Variants in ANKRD6 observed in about 807,000 individuals in gnomAD.
The protein encoded by ANKRD6 is ankyrin repeat domain 6.
A neutral mutation model predicts 82.3 loss-of-function variants in ANKRD6; 56 were observed. That is an observed-to-expected ratio of 0.68 (90% CI 0.55 to 0.85). The LOEUF (loss-of-function observed/expected upper bound fraction) is 0.85. ANKRD6 is among the 40% of genes least tolerant of loss of function. The probability of loss-of-function intolerance (pLI) is 0.00; values close to 1 mark genes in which losing one functional copy is unlikely to be tolerated. For missense variants in ANKRD6, 852 were observed against 907.6 expected (o/e 0.94, Z 0.79); for synonymous variants, 347 against 352.1 (o/e 0.99, Z 0.16).
At chr6:89,623,751 C>T (rs1193960550) in intron 11 of ANKRD6, 121 bp from the exon 12 acceptor site, 1 of 1,263,476 alleles carries the variant, frequency 7.9e-7, no homozygotes, top group Non-Finnish European at 1.1e-6. Context: ...TGGAGTAGGA[C>T]ACCATGAGGT....
chr6:89,445,264 C>CTTTTTTTTTT (rs1227274602), intron 1 of ANKRD6, among the ~76,000 whole-genome samples: 2 of 64,090 alleles, frequency 3.1e-5, no homozygotes, highest in South Asian at 5.8e-4. Flanking sequence ...AGAGATCTTT[C>CTTTTTTTTTT]TTTTTTTTTT....
In ANKRD6 at chr6:89,504,180, G is replaced by A. The variant is rs576303901; in HGVS notation, c.-143-62654G>A. Among the ~76,000 whole-genome samples the A allele has an allele frequency of 7.9e-5, 12 of 151,800 alleles. No homozygotes were observed. The South Asian group carries it at 1.7e-3, about 21-fold the overall frequency. ...GAACGGAAACAGAAAGACCAGGCAC[G>A]GGGCTGTTCAGCATCCACGTGAGAG... On this transcript the variant is annotated intron_variant, in intron 1 of 15. Transcript: ENST00000339746.
chr6:89,589,216 G>A (rs946161140), intron 2 of ANKRD6, among the ~76,000 whole-genome samples: 44 of 152,108 alleles, frequency 2.9e-4, no homozygotes, highest in South Asian at 8.3e-4. Flanking sequence ...CCCAACCTGC[G>A]TCCTGGCTGG....
At chr6:89,597,745 A>G (rs570160260) in intron 3 of ANKRD6, among the ~76,000 whole-genome samples, 3 of 152,352 alleles carry the variant, frequency 2.0e-5, no homozygotes, top group Non-Finnish European at 4.4e-5. Context: ...TCCTTGTCCT[A>G]GAGAGACAAT....
intron 3 of ANKRD6, chr6:89,601,705 C>G (rs983530919): frequency 6.6e-6 from 1 of 152,154 alleles, no homozygotes; most frequent in Non-Finnish European, 1.5e-5. Flanking sequence ...TAAGTACACT[C>G]ACATTGTTGT....
At chr6:89,584,553 C>G (rs572908701) in intron 2 of ANKRD6, among the ~76,000 whole-genome samples, 28 of 152,322 alleles carry the variant, frequency 1.8e-4, no homozygotes, top group Admixed American at 4.6e-4. Flanking sequence ...TTTCCTTGTT[C>G]TAAGCCAATA....
chr6:89,566,861 C>A lies in ANKRD6; in HGVS notation c.-116C>A. The stretch of plus-strand genomic sequence containing the variant: ...CCCGAAGATGGCATATTCATAAAGA[C>A]ATCTTCTGATGATTGTGAACATCTT... On this transcript the variant is annotated 5_prime_UTR_variant, in exon 2 of 16. Transcript: ENST00000339746. The A allele has an allele frequency of 2.2e-6, 3 of 1,392,554 alleles. No homozygotes were observed. Among genetic ancestry groups the A allele is most frequent in the South Asian group, 1.4e-5 (1 of 72,608 alleles). The allele number at this position is 1,392,554 out of a possible 1,614,324, so 86.3% of individuals were successfully genotyped here. A position where few individuals can be genotyped will look rare whatever the true frequency, so the allele number is the denominator to read the frequency against.
At chr6:89,613,692 A>T in intron 6 of ANKRD6, 100 bp from the exon 7 acceptor site, 1 of 1,067,008 alleles carries the variant, frequency 9.4e-7, no homozygotes, top group Non-Finnish European at 1.4e-6. Context: ...TAAAGAGTAC[A>T]TGATAGTCTG....
At chr6:89,517,153 A>G (rs1781332006) in intron 1 of ANKRD6, among the ~76,000 whole-genome samples, 1 of 152,224 alleles carries the variant, frequency 6.6e-6, no homozygotes, top group Non-Finnish European at 1.5e-5. Flanking sequence ...TACAGGCGTA[A>G]GCCACCACGC....
intron 1 of ANKRD6, among the ~76,000 whole-genome samples, chr6:89,434,039 G>T (rs1304818258): frequency 2.0e-5 from 3 of 152,148 alleles, no homozygotes; most frequent in Non-Finnish European, 4.4e-5. Flanking sequence ...ACCCAAGAGG[G>T]ACTTGAATGT....
intron 2 of ANKRD6, among the ~76,000 whole-genome samples, chr6:89,579,756 C>CAAAAAAAAAAA (rs61159223): frequency 1.5e-5 from 1 of 68,508 alleles, no homozygotes. Flanking sequence ...GACCCTGTCT[C>CAAAAAAAAAAA]AAAAAAAAAA....
intron 12 of ANKRD6, 41 bp downstream of exon 12, chr6:89,624,098 T>C (rs1804689093): frequency 2.6e-6 from 4 of 1,550,806 alleles, no homozygotes; most frequent in African/African-American, 2.7e-5. Context: ...ACATAGGCCT[T>C]CAGCAAGGGT....
chr6:89,469,375 GT>G, intron 1 of ANKRD6, among the ~76,000 whole-genome samples: 1 of 152,190 alleles, frequency 6.6e-6, no homozygotes, highest in East Asian at 1.9e-4. Flanking sequence ...CAATTTGTAA[GT>G]CCAACAAGCA....
At chr6:89,619,150 C>T (rs1422007558) in intron 9 of ANKRD6, among the ~76,000 whole-genome samples, 1 of 152,000 alleles carries the variant, frequency 6.6e-6, no homozygotes, top group East Asian at 1.9e-4. Flanking sequence ...TGGAGCTGGT[C>T]CTTCTCAGTG....
At chr6:89,602,081 A>T (rs890649796) in intron 3 of ANKRD6, 2 of 152,266 alleles carry the variant, frequency 1.3e-5, no homozygotes, top group Non-Finnish European at 2.9e-5. Context: ...CTAGCAAGCC[A>T]TGCACAGCCC....
At chr6:89,622,757 A>G (rs1473845530) in intron 10 of ANKRD6, among the ~76,000 whole-genome samples, 1 of 152,168 alleles carries the variant, frequency 6.6e-6, no homozygotes, top group Non-Finnish European at 1.5e-5. Flanking sequence ...GAGTTCACTC[A>G]GGAGGGAGAA....
chr6:89,586,198 T>G (rs966051620), intron 2 of ANKRD6, among the ~76,000 whole-genome samples: 4 of 152,164 alleles, frequency 2.6e-5, no homozygotes, highest in Non-Finnish European at 5.9e-5. Flanking sequence ...AATGCAAGGA[T>G]TGTTCCATAA....
chr6:89,502,516 TA>T (rs34938919), intron 1 of ANKRD6, among the ~76,000 whole-genome samples: 2,063 of 148,184 alleles, frequency 0.014, 52 homozygotes, highest in African/African-American at 0.045. Context: ...CGTTATTATT[TA>T]AAAAAAAAAG....
chr6:89,535,077 GA>G (rs750954961), intron 1 of ANKRD6, among the ~76,000 whole-genome samples: 43 of 151,808 alleles, frequency 2.8e-4, no homozygotes, highest in East Asian at 1.7e-3. Context: ...TCTTTGGGGG[GA>G]AAAAAAGGCA....
Sources: gnomAD v4.1 joint callset for allele counts (sites outside exome capture counted in the v4.1 genomes callset) on GRCh38, gnomAD v4.1.1 for gene constraint, MANE v1.5 for transcripts, NCBI Gene and HGNC (gene_info 2026-07-23, HGNC 2026-07-21) for gene names.